The following CSMD3 variants were observed in gnomAD, a reference collection of about 807,000 sequenced individuals.
CSMD3 encodes CUB and Sushi multiple domains 3, also known as CUB and sushi domain-containing protein 3.
Under a neutral mutation model 435.2 loss-of-function variants are expected in CSMD3, and 177 were observed. The observed-to-expected ratio is 0.41, with a 90% confidence interval of 0.36 to 0.46. The LOEUF is 0.46. Among genes scored for constraint, CSMD3 ranks in the 20% least tolerant of loss-of-function variants. The probability of loss-of-function intolerance (pLI) is 0.34; values close to 1 mark genes in which losing one functional copy is unlikely to be tolerated. For synonymous variants in CSMD3, 1,656 were observed against 1,520.5 expected, an observed-to-expected ratio of 1.09 and a Z score of -2.07; for missense variants, 4,265 against 4,504.6, an observed-to-expected ratio of 0.95 and a Z score of 1.52.
At chr8:112,721,170 T>C (rs1312251649) in intron 13 of CSMD3, among the ~76,000 whole-genome samples, 3 of 152,296 alleles carry the variant, frequency 2.0e-5, no homozygotes, top group South Asian at 2.1e-4. Flanking sequence ...CCTTGACTTG[T>C]TAATCATCAT....
At chr8:112,225,902 A>G (rs1812508439) in intron 70 of CSMD3, among the ~76,000 whole-genome samples, 1 of 152,142 alleles carries the variant, frequency 6.6e-6, no homozygotes, top group South Asian at 2.1e-4. Context: ...AATCTAGTTT[A>G]TCTTTCCCAC....
At chr8:112,356,767 G>A (rs991444362) in intron 38 of CSMD3, among the ~76,000 whole-genome samples, 7 of 151,928 alleles carry the variant, frequency 4.6e-5, no homozygotes, top group East Asian at 1.9e-4. Context: ...TCCCCTGCAC[G>A]AGCTCTCTCT....
chr8:112,615,717 G>T (rs981531304), intron 22 of CSMD3, among the ~76,000 whole-genome samples: 2 of 152,032 alleles, frequency 1.3e-5, no homozygotes, highest in African/African-American at 2.4e-5. Context: ...AAGAGTTCTG[G>T]TATTCTGGAG....
At chr8:112,287,594 C>T (rs1285881148) in intron 57 of CSMD3, among the ~76,000 whole-genome samples, 1 of 151,968 alleles carries the variant, frequency 6.6e-6, no homozygotes, top group Non-Finnish European at 1.5e-5. Context: ...ACTCATAAAA[C>T]CAAAATTTAA....
At chr8:112,497,683 G>C (rs1821498293) in intron 30 of CSMD3, among the ~76,000 whole-genome samples, 1 of 151,912 alleles carries the variant, frequency 6.6e-6, no homozygotes, top group Admixed American at 6.6e-5. Flanking sequence ...ATTCATTTGG[G>C]TGTGCATATT....
At chr8:112,477,255 A>AT (rs1819146293) in intron 31 of CSMD3, among the ~76,000 whole-genome samples, 1 of 152,090 alleles carries the variant, frequency 6.6e-6, no homozygotes, top group African/African-American at 2.4e-5. Flanking sequence ...TGTGCTTTAC[A>AT]TTTGGGGGCA....
intron 67 of CSMD3, 104 bp from the exon 68 acceptor site, chr8:112,234,581 A>C (rs1813400107): frequency 1.3e-6 from 1 of 758,158 alleles, no homozygotes; most frequent in Non-Finnish European, 2.3e-6. Context: ...TATGTAATTA[A>C]AAAAAGAAAT....
chr8:113,155,273 A>C (rs1267194417), intron 4 of CSMD3, among the ~76,000 whole-genome samples: 1 of 152,144 alleles, frequency 6.6e-6, no homozygotes, highest in South Asian at 2.1e-4. Flanking sequence ...ACCATTCTCC[A>C]GTTCCTTAAT....
intron 6 of CSMD3, among the ~76,000 whole-genome samples, chr8:112,995,188 T>C (rs1047414897): frequency 6.6e-6 from 1 of 151,550 alleles, no homozygotes; most frequent in African/African-American, 2.4e-5. Context: ...AGATCATGTC[T>C]GAATTGCTAC....
chr8:113,363,438 G>A (rs1206130455), intron 1 of CSMD3, among the ~76,000 whole-genome samples: 1 of 152,036 alleles, frequency 6.6e-6, no homozygotes, highest in Admixed American at 6.6e-5. Flanking sequence ...AAAGTTGATA[G>A]CTTAAAACAA....
Position 112,685,519 on chromosome 8 carries a change from G to A in CSMD3, c.2369C>T (p.Thr790Ile), listed in dbSNP as rs2075991360. Reference protein sequence around the residue: ...GDSPESPILGTFTGAEVPSHL... With the variant: ...GDSPESPILGIFTGAEVPSHL... The stretch of plus-strand genomic sequence containing the variant: ...GGAAGGCACCTCAGCCCCAGTAAAG[G>A]TTCCAAGAATTGGGGATTCTGGAGA... Residue 790 changes from threonine to isoleucine, a missense_variant, in exon 15 of 71, where the codon ACC (threonine) becomes ATC (isoleucine). This residue lies in a region of CSMD3 where 279 missense variants were observed against 369.0 expected (regional missense o/e 0.76). Transcript: ENST00000297405. 1 of 1,614,008 alleles carries A rather than the reference G, an allele frequency of 6.2e-7. No homozygotes were observed. The highest frequency in any genetic ancestry group is 1.7e-4 in the Middle Eastern group (1 of 6,058).
At chr8:112,855,621 A>T (rs1301252528) in intron 11 of CSMD3, among the ~76,000 whole-genome samples, 2 of 152,090 alleles carry the variant, frequency 1.3e-5, no homozygotes, top group Non-Finnish European at 2.9e-5. Context: ...GACAGATGAT[A>T]GATGAATGAC....
chr8:112,979,352 C>T (rs1434626364), intron 6 of CSMD3, among the ~76,000 whole-genome samples: 1 of 151,594 alleles, frequency 6.6e-6, no homozygotes, highest in African/African-American at 2.4e-5. Context: ...CATTACCATA[C>T]AGTTATGTCA....
In CSMD3 at chr8:112,224,461, T is replaced by C; in HGVS notation, c.*310A>G. 1 of 383,996 alleles carries C rather than the reference T, an allele frequency of 2.6e-6. No homozygotes were observed. 23.8% of individuals were successfully genotyped at this position (383,996 alleles called of 1,614,324 possible). A position where few individuals can be genotyped will look rare whatever the true frequency, so the allele number is the denominator to read the frequency against. ...TAATATAGTTTATAAAGCACAGAAA[T>C]ACTGATAGTGGATGCTCCTCCAATA... On this transcript the variant is annotated 3_prime_UTR_variant, in exon 71 of 71. Coordinates refer to ENST00000297405, the MANE Select transcript of CSMD3 (RefSeq NM_198123.2).
At chr8:113,240,720 T>C (rs1053101369) in intron 3 of CSMD3, among the ~76,000 whole-genome samples, 2 of 152,182 alleles carry the variant, frequency 1.3e-5, no homozygotes, top group Non-Finnish European at 2.9e-5. Flanking sequence ...TTTGTCCATA[T>C]ATTGCAACAT....
At chr8:112,356,396 T>G (rs936770364) in intron 38 of CSMD3, among the ~76,000 whole-genome samples, 1 of 152,114 alleles carries the variant, frequency 6.6e-6, no homozygotes, top group Non-Finnish European at 1.5e-5. Context: ...TGAGGAGAAT[T>G]AATGCAGGCA....
intron 1 of CSMD3, among the ~76,000 whole-genome samples, chr8:113,347,746 T>A (rs1005001078): frequency 1.3e-5 from 2 of 152,114 alleles, no homozygotes; most frequent in Non-Finnish European, 2.9e-5. Flanking sequence ...AGCAAGAAGA[T>A]ATATTTGAGA....
chr8:113,305,059 C>A (rs2093808104), intron 2 of CSMD3, among the ~76,000 whole-genome samples: 1 of 149,730 alleles, frequency 6.7e-6, no homozygotes, highest in Admixed American at 6.7e-5. Context: ...GAACAAAAAA[C>A]CAGACACCGC....
chr8:113,389,995 T>C lies in CSMD3; in HGVS notation c.178+46682A>G, dbSNP rs746686477. ...ATTATTTTCTGTTTCATTTTCTTTA[T>C]CCTAGACTCCATTGTTATACTGCAT... On this transcript the variant is annotated intron_variant, in intron 1 of 70. Transcript: ENST00000297405. Among the ~76,000 whole-genome samples the C allele has an allele frequency of 6.9e-4, 104 of 151,798 alleles. 1 individual carries two copies. Among genetic ancestry groups the C allele is most frequent in the Non-Finnish European group, 9.7e-4 (66 of 67,768 alleles).
Sources: allele counts gnomAD v4.1 joint callset (sites outside exome capture counted in the v4.1 genomes callset), GRCh38; gene constraint gnomAD v4.1.1; regional missense constraint gnomAD v4.1.1; transcripts MANE v1.5; gene names NCBI Gene and HGNC (gene_info 2026-07-23, HGNC 2026-07-21).